Variants in PELI2 observed in about 807,000 individuals in gnomAD.
The protein encoded by PELI2 is E3 ubiquitin-protein ligase pellino homolog 2.
A neutral mutation model predicts 42.3 loss-of-function variants in PELI2; 23 were observed. The ratio of observed to expected loss-of-function variants is 0.54; its 90% CI spans 0.39 to 0.77. The LOEUF is 0.77. PELI2 is among the 30% of genes least tolerant of loss of function. The pLI is 0.00. For synonymous variants in PELI2, 245 were observed against 212.2 expected (o/e 1.15, Z -1.34); for missense variants, 463 against 553.2 (o/e 0.84, Z 1.64).
rs370909653 is a variant in PELI2 at position 56,131,037 on chromosome 14, T to C, written c.77+12300T>C. On this transcript the variant is annotated intron_variant, in intron 1 of 5. Transcript: ENST00000267460. Reference sequence around the variant, plus strand: ...TTGCCTGGGACTAACGTCGCTGTTATGTTGATTTTTCCTTTCTTGTCTTTT... The same window carrying C: ...TTGCCTGGGACTAACGTCGCTGTTACGTTGATTTTTCCTTTCTTGTCTTTT... Among the ~76,000 whole-genome samples, 6 of 150,526 alleles carry C rather than the reference T, an allele frequency of 4.0e-5. 1 individual carries two copies. The highest frequency in any genetic ancestry group is 1.3e-4 in the Admixed American group (2 of 15,214).
At chr14:56,266,709 A>G (rs1173488774) in intron 2 of PELI2, among the ~76,000 whole-genome samples, 3 of 152,044 alleles carry the variant, frequency 2.0e-5, no homozygotes, top group Admixed American at 2.0e-4. Flanking sequence ...TGGACATACC[A>G]TGTACCATTT....
chr14:56,140,840 CTT>C (rs1883879445), intron 1 of PELI2, among the ~76,000 whole-genome samples: 1 of 152,114 alleles, frequency 6.6e-6, no homozygotes, highest in African/African-American at 2.4e-5. Flanking sequence ...ATTATGGGAG[CTT>C]TGCTGTTCAT....
At chr14:56,134,156 G>A (rs1883600368) in intron 1 of PELI2, among the ~76,000 whole-genome samples, 2 of 152,284 alleles carry the variant, frequency 1.3e-5, no homozygotes, top group Non-Finnish European at 1.5e-5. Context: ...AAGTGAGATG[G>A]TGATAAATTT....
Position 56,118,456 on chromosome 14 carries a change from G to A in PELI2, c.-205G>A, listed in dbSNP as rs1882930867. ...ACTCGGGGCGGCCGCGGCGCGCGGA[G>A]CTCCGGGGAGTCAGGCGGAGCAGCC... On this transcript the variant is annotated 5_prime_UTR_variant, in exon 1 of 6. Transcript: ENST00000267460. The A allele has an allele frequency of 9.7e-6, 3 of 309,464 alleles. No homozygotes were observed. The highest frequency in any genetic ancestry group is 5.1e-5 in the Admixed American group (1 of 19,544). 19.2% of individuals were successfully genotyped at this position (309,464 alleles called of 1,614,324 possible). A position where few individuals can be genotyped will look rare whatever the true frequency, so the allele number is the denominator to read the frequency against.
At chr14:56,153,074 C>G (rs967224509) in intron 1 of PELI2, among the ~76,000 whole-genome samples, 1 of 152,090 alleles carries the variant, frequency 6.6e-6, no homozygotes, top group Non-Finnish European at 1.5e-5. Flanking sequence ...TAAGTACACT[C>G]GGGAAATATT....
chr14:56,296,453 G>C, intron 5 of PELI2, 147 bp from the exon 6 acceptor site: 1 of 608,432 alleles, frequency 1.6e-6, no homozygotes, highest in Non-Finnish European at 2.9e-6. Flanking sequence ...GGGGAGGATA[G>C]GTTACTCCCC....
chr14:56,256,600 A>G (rs540187660), intron 2 of PELI2, among the ~76,000 whole-genome samples: 127 of 152,282 alleles, frequency 8.3e-4, no homozygotes, highest in African/African-American at 3.0e-3. Context: ...ATTTTTTGCA[A>G]AGATTTTATG....
Position 56,273,789 on chromosome 14 carries a change from C to T in PELI2, c.208-5887C>T, listed in dbSNP as rs1566677650. ...AACCCAGAAGGAGAAAATGTTTGAA[C>T]CAAACCATGTAATGATGCTGTACAC... On this transcript the variant is annotated intron_variant, in intron 2 of 5. Transcript: ENST00000267460. This position sits in a 1 kb window ranked among gnomAD's most constrained non-coding sequence, Gnocchi z 4.3. Among the ~76,000 whole-genome samples, 1 of 152,150 alleles carries T rather than the reference C, an allele frequency of 6.6e-6. No individual in the cohort carries two copies. Among genetic ancestry groups the T allele is most frequent in the Non-Finnish European group, 1.5e-5 (1 of 68,030 alleles).
At chr14:56,189,508 T>C (rs982054496) in intron 2 of PELI2, among the ~76,000 whole-genome samples, 1 of 152,240 alleles carries the variant, frequency 6.6e-6, no homozygotes, top group Admixed American at 6.5e-5. Flanking sequence ...TAATCCCTGC[T>C]GGTAGTAATA....
At chr14:56,223,352 G>A (rs1887220113) in intron 2 of PELI2, among the ~76,000 whole-genome samples, 1 of 152,148 alleles carries the variant, frequency 6.6e-6, no homozygotes, top group South Asian at 2.1e-4. Context: ...CTGGGGGATG[G>A]TGTGAAATAC....
chr14:56,266,791 TA>T (rs1292187956), intron 2 of PELI2, among the ~76,000 whole-genome samples: 1 of 152,102 alleles, frequency 6.6e-6, no homozygotes, highest in Non-Finnish European at 1.5e-5. Flanking sequence ...AATATCTGCA[TA>T]TTTGTTGCAG....
intron 2 of PELI2, among the ~76,000 whole-genome samples, chr14:56,191,007 G>A (rs938453629): frequency 6.6e-6 from 1 of 152,180 alleles, no homozygotes; most frequent in Non-Finnish European, 1.5e-5. Flanking sequence ...TGAACTCTAT[G>A]GTAAACTCTG....
At chr14:56,188,442 C>CT (rs1196994091) in intron 2 of PELI2, among the ~76,000 whole-genome samples, 1 of 152,144 alleles carries the variant, frequency 6.6e-6, no homozygotes, top group Admixed American at 6.5e-5. Context: ...GCTTTCTATC[C>CT]TTTTTTCCGT....
chr14:56,158,484 A>G (rs1170540048), intron 1 of PELI2, among the ~76,000 whole-genome samples: 2 of 151,942 alleles, frequency 1.3e-5, no homozygotes, highest in African/African-American at 4.8e-5. Flanking sequence ...TGGGACTACA[A>G]GTGCATGCCA....
chr14:56,248,433 C>T (rs537408834), intron 2 of PELI2, among the ~76,000 whole-genome samples: 2 of 151,754 alleles, frequency 1.3e-5, no homozygotes, highest in African/African-American at 4.8e-5. Context: ...GAAAAAGAAG[C>T]GATACATCCC....
chr14:56,234,022 A>C (rs559082216), intron 2 of PELI2, among the ~76,000 whole-genome samples: 1 of 152,254 alleles, frequency 6.6e-6, no homozygotes, highest in African/African-American at 2.4e-5. Context: ...ACTGGCCATC[A>C]GAGAAATGCA....
At chr14:56,205,044 A>AAAAG (rs931072771) in intron 2 of PELI2, among the ~76,000 whole-genome samples, 1 of 151,672 alleles carries the variant, frequency 6.6e-6, no homozygotes, top group African/African-American at 2.4e-5. Flanking sequence ...AAAAAAAAAA[A>AAAAG]AAAGAAAGAA....
At chr14:56,164,413 T>C (rs184832515) in intron 1 of PELI2, among the ~76,000 whole-genome samples, 2 of 152,194 alleles carry the variant, frequency 1.3e-5, no homozygotes, top group East Asian at 3.8e-4. Flanking sequence ...GTGAATGTTC[T>C]TTCTAATGTA....
intron 2 of PELI2, among the ~76,000 whole-genome samples, chr14:56,211,170 G>C (rs931311990): frequency 6.6e-6 from 1 of 152,198 alleles, no homozygotes. Context: ...CTCCATCACC[G>C]CTGTCGAGTG....
Sources: gnomAD v4.1 joint callset for allele counts (sites outside exome capture counted in the v4.1 genomes callset) on GRCh38, gnomAD v4.1.1 for gene constraint, Gnocchi (gnomAD v3.1) non-coding constraint, MANE v1.5 for transcripts, NCBI Gene and HGNC (gene_info 2026-07-23, HGNC 2026-07-21) for gene names.